GTF2A1: variants seen among roughly 807,000 people sequenced by gnomAD.
GTF2A1 encodes the protein general transcription factor IIA subunit 1, also known as transcription initiation factor IIA subunit 1.
A neutral mutation model predicts 54.1 loss-of-function variants in GTF2A1; 12 were observed. The observed-to-expected ratio is 0.22, with a 90% CI of 0.14 to 0.36. The LOEUF is 0.36. Among genes scored for constraint, GTF2A1 ranks in the 10% least tolerant of loss-of-function variants. The pLI, the probability that GTF2A1 is intolerant of heterozygous loss-of-function variation, is 1.00. For synonymous variants in GTF2A1, 145 were observed against 152.0 expected (o/e 0.95, Z 0.34); for missense variants, 335 against 442.2 (o/e 0.76, Z 2.17).
chr14:81,204,254 G>T, intron 2 of GTF2A1, 150 bp from the exon 3 acceptor site: 1 of 775,688 alleles, frequency 1.3e-6, no homozygotes, highest in Non-Finnish European at 2.3e-6. Context: ...TAACCCAAGT[G>T]AAACAATAAC....
chr14:81,195,889 G>A (rs928679060), intron 6 of GTF2A1, among the ~76,000 whole-genome samples: 1 of 152,082 alleles, frequency 6.6e-6, no homozygotes, highest in African/African-American at 2.4e-5. Context: ...CCACCTTCGA[G>A]GGGATGATGA....
At chr14:81,219,929 C>A (rs1893580311) in intron 1 of GTF2A1, among the ~76,000 whole-genome samples, 1 of 152,062 alleles carries the variant, frequency 6.6e-6, no homozygotes, top group Non-Finnish European at 1.5e-5. Context: ...AACCTTCGTC[C>A]TTTTTTTAAA....
rs1892537938 is a variant in GTF2A1, at chr14:81,176,797, T to C, written c.*3426A>G. On this transcript the variant is annotated 3_prime_UTR_variant, in exon 9 of 9. Transcript: ENST00000553612. ...GAAATAAAATGAAAATGTACAAAGA[T>C]GGATCAACAAACTATTACATTGCAC... The C allele has an allele frequency of 1.3e-5, 2 of 151,946 alleles. No individual in the cohort carries two copies. Among genetic ancestry groups the C allele is most frequent in the African/African-American group, 4.8e-5 (2 of 41,390 alleles). The allele number at this position is 151,946 out of a possible 1,614,324, so 9.4% of individuals were successfully genotyped here. A position where few individuals can be genotyped will look rare whatever the true frequency, so the allele number is the denominator to read the frequency against.
intron 6 of GTF2A1, 80 bp downstream of exon 6, chr14:81,196,028 T>C (rs1453365555): frequency 3.1e-6 from 4 of 1,285,866 alleles, no homozygotes; most frequent in African/African-American, 2.9e-5. Context: ...TTTGTGCATA[T>C]AAGGAGAGGG....
chr14:81,220,229 G>GCGGCC (rs1386070010), intron 1 of GTF2A1, among the ~76,000 whole-genome samples: 19 of 125,956 alleles, frequency 1.5e-4, no homozygotes, highest in African/African-American at 3.2e-4. Flanking sequence ...AACCGCCTCC[G>GCGGCC]CGGCCCGGCC....
At chr14:81,192,466 T>TA (rs1286144600) in intron 7 of GTF2A1, 53 bp downstream of exon 7, 6 of 1,367,848 alleles carry the variant, frequency 4.4e-6, no homozygotes, top group African/African-American at 2.9e-5. Context: ...TTGTACCAAC[T>TA]AAAAAAGGAA....
chr14:81,192,151 T>C (rs929587252), intron 7 of GTF2A1, among the ~76,000 whole-genome samples: 1 of 152,130 alleles, frequency 6.6e-6, no homozygotes, highest in African/African-American at 2.4e-5. Context: ...TGCCACGCTT[T>C]TTAAATTACT....
intron 6 of GTF2A1, among the ~76,000 whole-genome samples, chr14:81,195,769 G>A (rs1437359414): frequency 6.6e-6 from 1 of 151,998 alleles, no homozygotes; most frequent in Non-Finnish European, 1.5e-5. Flanking sequence ...AGTCATGTCT[G>A]TGTCATTCAC....
At chr14:81,190,353 G>A (rs1373897383) in intron 7 of GTF2A1, among the ~76,000 whole-genome samples, 1 of 149,776 alleles carries the variant, frequency 6.7e-6, no homozygotes, top group Non-Finnish European at 1.5e-5. Context: ...CTTGTAAGAA[G>A]AGTATGAGAA....
intron 4 of GTF2A1, among the ~76,000 whole-genome samples, chr14:81,198,033 G>A (rs1332632558): frequency 6.6e-6 from 1 of 152,158 alleles, no homozygotes; most frequent in East Asian, 1.9e-4. Flanking sequence ...TTCACTGGGA[G>A]TACAGCTGAC....
Position 81,198,717 on chromosome 14 carries a change from C to T in GTF2A1, c.403-1233G>A, listed in dbSNP as rs569408504. Among the ~76,000 whole-genome samples, 53 of 152,216 alleles carry T rather than the reference C, an allele frequency of 3.5e-4. 1 individual carries two copies. The South Asian group carries it at 0.011, about 32-fold the overall frequency. Reference sequence around the variant, plus strand: ...TTTAGCTACCAACCATTCATACATTCAATCTAACCTATACAGTTTTAGAAC... The same window carrying T: ...TTTAGCTACCAACCATTCATACATTTAATCTAACCTATACAGTTTTAGAAC... On this transcript the variant is annotated intron_variant, in intron 4 of 8. Coordinates refer to ENST00000553612, the MANE Select transcript of GTF2A1 (RefSeq NM_015859.4).
At position 81,207,869 on chromosome 14, in the gene GTF2A1, G is replaced by T. The variant is rs566291112; in HGVS notation, c.133-3765C>A. ...AACTTTGAACTTGAGAGATGATTTA[G>T]GTTAACTGGCAGAAGAAATTTCTAA... On this transcript the variant is annotated intron_variant, in intron 2 of 8. Transcript: ENST00000553612. 8.5e-5 allele frequency among the ~76,000 whole-genome samples: 13 copies of T among 152,336 alleles called. No individual in the cohort carries two copies. In the South Asian group the frequency reaches 1.2e-3, roughly 15 times the overall value.
Position 81,192,821 on chromosome 14 carries a change from C to T in GTF2A1, c.631G>A (p.Gly211Arg). ...VIQQVLAPLP[G>R]GISPQTGVII... Reference sequence around the variant, plus strand: ...ACACCTGTCTGTGGTGAAATCCCTCCAGGAAGAGGAGCCAGCACCTAAAGC... The same window carrying T: ...ACACCTGTCTGTGGTGAAATCCCTCTAGGAAGAGGAGCCAGCACCTAAAGC... The change falls in exon 7 of 9, where the codon GGA becomes AGA. Residue 211 changes from glycine (G) to arginine (R), a missense_variant. By Grantham distance (125) the Gly-to-Arg change is moderately radical (BLOSUM62 -2). Coordinates refer to ENST00000553612, the MANE Select transcript of GTF2A1 (RefSeq NM_015859.4). 1 of 1,609,980 alleles carries T rather than the reference C, an allele frequency of 6.2e-7. No homozygotes were observed. The highest frequency in any genetic ancestry group is 8.5e-7 in the Non-Finnish European group (1 of 1,176,528).
At chr14:81,202,165 G>C (rs1164504286) in intron 3 of GTF2A1, among the ~76,000 whole-genome samples, 2 of 152,082 alleles carry the variant, frequency 1.3e-5, no homozygotes, top group African/African-American at 2.4e-5. Context: ...GGATGCAAGG[G>C]AATTTAGGAA....
intron 2 of GTF2A1, among the ~76,000 whole-genome samples, chr14:81,216,033 G>C (rs1237300582): frequency 6.6e-6 from 1 of 151,984 alleles, no homozygotes; most frequent in Admixed American, 6.6e-5. Flanking sequence ...AATAAAAAAC[G>C]AAAAAAGAAA....
intron 2 of GTF2A1, among the ~76,000 whole-genome samples, chr14:81,214,788 A>T (rs993271074): frequency 1.3e-5 from 2 of 152,210 alleles, no homozygotes; most frequent in African/African-American, 2.4e-5. Context: ...TTATATGTTA[A>T]CATAAATAAC....
At chr14:81,182,723 T>C (rs1260116093) in intron 8 of GTF2A1, among the ~76,000 whole-genome samples, 7 of 152,234 alleles carry the variant, frequency 4.6e-5, no homozygotes, top group African/African-American at 1.7e-4. Flanking sequence ...TTTGTCTCAC[T>C]GAAACCTTCC....
intron 7 of GTF2A1, among the ~76,000 whole-genome samples, chr14:81,185,980 G>A (rs540440210): frequency 6.6e-6 from 1 of 152,260 alleles, no homozygotes; most frequent in East Asian, 1.9e-4. Flanking sequence ...AGCCTCCCCA[G>A]TAGCTGGCAC....
At chr14:81,198,442 T>A (rs1170048704) in intron 4 of GTF2A1, among the ~76,000 whole-genome samples, 1 of 152,176 alleles carries the variant, frequency 6.6e-6, no homozygotes, top group Admixed American at 6.6e-5. Flanking sequence ...AAACTTTAGT[T>A]TCAACATTTT....
Sources: allele counts gnomAD v4.1 joint callset (sites outside exome capture counted in the v4.1 genomes callset), GRCh38; gene constraint gnomAD v4.1.1; transcripts MANE v1.5; gene names NCBI Gene and HGNC (gene_info 2026-07-23, HGNC 2026-07-21).